CFAP58: variants seen among roughly 807,000 people sequenced by gnomAD.
CFAP58 encodes cilia and flagella associated protein 58.
CFAP58 carries 88 observed loss-of-function variants against 119.5 expected under a neutral mutation model. The observed-to-expected ratio is 0.74, with a 90% CI of 0.62 to 0.88. The LOEUF (loss-of-function observed/expected upper bound fraction) is 0.88. CFAP58 is among the 40% of genes least tolerant of loss of function. The pLI is 0.00. For synonymous variants in CFAP58, 365 were observed against 366.3 expected, an observed-to-expected ratio of 1.00 and a Z score of 0.04; for missense variants, 990 against 1,021.2, an observed-to-expected ratio of 0.97 and a Z score of 0.42.
chr10:104,367,547 A>AAG (rs34097454), intron 5 of CFAP58, among the ~76,000 whole-genome samples: 65,787 of 151,930 alleles, frequency 0.43, 16,538 homozygotes, highest in African/African-American at 0.71. Context: ...CATGAAACAT[A>AAG]AGAGAGGCTT....
intron 14 of CFAP58, among the ~76,000 whole-genome samples, chr10:104,406,135 A>G (rs749168795): frequency 3.9e-5 from 6 of 152,164 alleles, no homozygotes; most frequent in Non-Finnish European, 5.9e-5. Context: ...AAATTAAGTA[A>G]ACAGAGGAGA....
rs1564875443 is a variant in CFAP58, at chr10:104,357,835, GTA to G, written c.10-505_10-504del. 7.4e-4 allele frequency among the ~76,000 whole-genome samples: 92 copies of G among 124,380 alleles called. 2 individuals carry two copies. The highest frequency in any genetic ancestry group is 2.5e-3 in the South Asian group (9 of 3,558). 81.6% of individuals were successfully genotyped at this position (124,380 alleles called of 152,430 possible). A position where few individuals can be genotyped will look rare whatever the true frequency, so the allele number is the denominator to read the frequency against. On this transcript the variant is annotated intron_variant, in intron 1 of 17. Coordinates refer to ENST00000369704, the MANE Select transcript of CFAP58 (RefSeq NM_001008723.2). ...TATATGTACATATATACACATATAT[GTA>G]CACATATGTACACATATATACACAT...
the CFAP58 span, among the ~76,000 whole-genome samples, chr10:104,347,133 C>T: frequency 2.4e-4 from 36 of 152,128 alleles, no homozygotes; most frequent in Non-Finnish European, 3.8e-4. Flanking sequence ...AAATTCAAGG[C>T]AGGTAAGACG....
the CFAP58 span, among the ~76,000 whole-genome samples, chr10:104,340,922 C>A: frequency 6.6e-6 from 1 of 152,136 alleles, no homozygotes; most frequent in Non-Finnish European, 1.5e-5. Context: ...CCCATTGGCT[C>A]AGGGTCGCGG....
At chr10:104,344,402 G>A in the CFAP58 span, among the ~76,000 whole-genome samples, 1 of 152,208 alleles carries the variant, frequency 6.6e-6, no homozygotes. Context: ...AATCCAGAGT[G>A]CCACCTGCTT....
At chr10:104,451,626 T>C (rs2013196527) in intron 17 of CFAP58, among the ~76,000 whole-genome samples, 1 of 152,248 alleles carries the variant, frequency 6.6e-6, no homozygotes, top group South Asian at 2.1e-4. Flanking sequence ...CACTGTATTT[T>C]TCTTTTAGGA....
rs887075111 is a variant in CFAP58 at position 104,436,364 on chromosome 10, T to C, written c.2257-11334T>C. 2.6e-5 allele frequency among the ~76,000 whole-genome samples: 4 copies of C among 152,198 alleles called. No homozygotes were observed. In the South Asian group the frequency reaches 8.3e-4, roughly 32 times the overall value. On this transcript the variant is annotated intron_variant, in intron 15 of 17. Coordinates refer to ENST00000369704, the MANE Select transcript of CFAP58 (RefSeq NM_001008723.2). Reference sequence around the variant, plus strand: ...AGTAGCTTCTGTGTTAGGCTGTTCTTGCATTGCTATGAAGAAATACCCAAG... The same window carrying C: ...AGTAGCTTCTGTGTTAGGCTGTTCTCGCATTGCTATGAAGAAATACCCAAG...
chr10:104,439,816 A>T (rs1366014789), intron 15 of CFAP58, among the ~76,000 whole-genome samples: 5 of 152,126 alleles, frequency 3.3e-5, no homozygotes. Context: ...GAAGTGACTT[A>T]CTGATTTACT....
At chr10:104,409,404 C>T (rs2012422813) in intron 15 of CFAP58, among the ~76,000 whole-genome samples, 1 of 152,072 alleles carries the variant, frequency 6.6e-6, no homozygotes, top group East Asian at 1.9e-4. Context: ...TGATTTGTGA[C>T]CAACTAAGTG....
chr10:104,351,393 C>T (rs2014457797), upstream of CFAP58, among the ~76,000 whole-genome samples: 1 of 152,106 alleles, frequency 6.6e-6, no homozygotes, highest in Non-Finnish European at 1.5e-5. Flanking sequence ...GGATAAAGGC[C>T]CGTGGATAGA....
intron 2 of CFAP58, among the ~76,000 whole-genome samples, chr10:104,360,508 G>C (rs1325624816): frequency 6.6e-6 from 1 of 151,952 alleles, no homozygotes; most frequent in African/African-American, 2.4e-5. Context: ...TAAGTGCAGG[G>C]GTACATGTGC....
At chr10:104,445,635 A>G (rs1391022531) in intron 15 of CFAP58, among the ~76,000 whole-genome samples, 3 of 152,120 alleles carry the variant, frequency 2.0e-5, no homozygotes, top group East Asian at 1.9e-4. Flanking sequence ...ATTTTGCCCA[A>G]ATATTTTCAG....
At chr10:104,412,133 ATGCTT>A (rs745685758) in intron 15 of CFAP58, among the ~76,000 whole-genome samples, 12 of 152,150 alleles carry the variant, frequency 7.9e-5, no homozygotes, top group Non-Finnish European at 5.9e-5. Context: ...AGCATGTCTA[ATGCTT>A]TGTGGACATT....
chr10:104,380,726 G>A (rs757722316), intron 9 of CFAP58, among the ~76,000 whole-genome samples: 7 of 152,136 alleles, frequency 4.6e-5, no homozygotes, highest in South Asian at 2.1e-4. Flanking sequence ...ATTCTAAAAC[G>A]ATTATGAACT....
intron 15 of CFAP58, among the ~76,000 whole-genome samples, chr10:104,411,193 G>C (rs2012454986): frequency 6.6e-6 from 1 of 152,110 alleles, no homozygotes; most frequent in Non-Finnish European, 1.5e-5. Flanking sequence ...GCTGGCCTTG[G>C]CCTCCCAAAG....
At chr10:104,394,841 C>A (rs1292792319) in intron 11 of CFAP58, among the ~76,000 whole-genome samples, 1 of 152,148 alleles carries the variant, frequency 6.6e-6, no homozygotes, top group Non-Finnish European at 1.5e-5. Context: ...TTATAGAAAA[C>A]AGTTTGTTCC....
Position 104,368,456 on chromosome 10 carries a change from C to A in CFAP58, c.826C>A (p.Gln276Lys), listed in dbSNP as rs369667665. 5 of 1,613,920 alleles carry A rather than the reference C, an allele frequency of 3.1e-6. No homozygotes were observed. The highest frequency in any genetic ancestry group is 1.3e-5 in the African/African-American group (1 of 75,042). ...TGAGAGAGCTGCAAAGGAACTCGAG[C>A]AATTTCAGATGAGAAATGCTAAACT... ...LNERAAKELE[Q>K]FQMRNAKLQQ... Residue 276 changes from glutamine (Q) to lysine (K), a missense_variant, in exon 6 of 18, where the codon CAA (glutamine) becomes AAA (lysine). By Grantham distance (53) the Gln-to-Lys change is moderately conservative. Transcript: ENST00000369704.
chr10:104,403,641 G>T, intron 13 of CFAP58, 88 bp from the exon 14 acceptor site: 1 of 786,256 alleles, frequency 1.3e-6, no homozygotes. Context: ...TTTTATATAA[G>T]ACATAGTGTG....
intron 1 of CFAP58, among the ~76,000 whole-genome samples, chr10:104,354,885 C>A (rs960280752): frequency 3.9e-5 from 6 of 152,184 alleles, no homozygotes; most frequent in Non-Finnish European, 8.8e-5. Context: ...TCTTTCAGCA[C>A]CATCGTGCTC....
Sources: gnomAD v4.1 joint callset for allele counts (sites outside exome capture counted in the v4.1 genomes callset) on GRCh38, gnomAD v4.1.1 for gene constraint, MANE v1.5 for transcripts, NCBI Gene and HGNC (gene_info 2026-07-23, HGNC 2026-07-21) for gene names.